Variants in PGAP1 observed in about 807,000 individuals in gnomAD.
The protein encoded by PGAP1 is GPI inositol-deacylase.
A neutral mutation model predicts 127.0 loss-of-function variants in PGAP1; 76 were observed. That is an observed-to-expected ratio of 0.60 (90% CI 0.50 to 0.72). The LOEUF (loss-of-function observed/expected upper bound fraction) is 0.72, where lower values mean the gene tolerates loss of function less well. Ranked by LOEUF, PGAP1 falls within the 30% of genes least tolerant of loss-of-function variation. The pLI is 0.00. For synonymous variants in PGAP1, 362 were observed against 366.5 expected (o/e 0.99, Z 0.14); for missense variants, 982 against 1,071.3 (o/e 0.92, Z 1.16).
intron 10 of PGAP1, among the ~76,000 whole-genome samples, chr2:196,890,624 C>G (rs1702064939): frequency 6.6e-6 from 1 of 151,784 alleles, no homozygotes. Flanking sequence ...AAACTAGAAC[C>G]AAAGTTACAC....
At chr2:196,848,724 G>A (rs541952728) in intron 20 of PGAP1, among the ~76,000 whole-genome samples, 1 of 152,074 alleles carries the variant, frequency 6.6e-6, no homozygotes, top group East Asian at 1.9e-4. Flanking sequence ...CATTTGGGTT[G>A]TTTCTGCTTT....
At position 196,843,911 on chromosome 2, in the gene PGAP1, T is replaced by TA; in HGVS notation, c.2501dup (p.Ile835AsnfsTer8). On this transcript the variant is annotated frameshift_variant, in exon 25 of 27. Coordinates refer to ENST00000354764, the MANE Select transcript of PGAP1 (RefSeq NM_024989.4). LOFTEE classifies it high-confidence loss of function. Reference sequence around the variant, plus strand: ...ACCTAAGATTCTTTAGCCAATAAATTAGAGAAGGCATGCTGAGTAATACAA... The same window carrying TA: ...ACCTAAGATTCTTTAGCCAATAAATTAAGAGAAGGCATGCTGAGTAATACAA... The TA allele has an allele frequency of 6.6e-7, 1 of 1,526,170 alleles. No homozygotes were observed. The allele number at this position is 1,526,170 out of a possible 1,614,324, so 94.5% of individuals were successfully genotyped here.
chr2:196,904,625 G>A (rs1490415507), intron 4 of PGAP1, among the ~76,000 whole-genome samples: 3 of 152,270 alleles, frequency 2.0e-5, no homozygotes, highest in South Asian at 2.1e-4. Context: ...CTACTTGGGA[G>A]GCTGAGGCAG....
chr2:196,889,739 G>A (rs1375997482), intron 10 of PGAP1, among the ~76,000 whole-genome samples: 3 of 151,338 alleles, frequency 2.0e-5, no homozygotes, highest in Admixed American at 1.3e-4. Context: ...AGCGCCTGTA[G>A]TCCCAGCTAC....
intron 20 of PGAP1, among the ~76,000 whole-genome samples, chr2:196,855,325 CAA>C (rs112534782): frequency 1.2e-4 from 8 of 67,146 alleles, no homozygotes; most frequent in Admixed American, 3.8e-4. Flanking sequence ...ACTCTGTCAC[CAA>C]AAAAAAAAAA....
At chr2:196,876,454 C>T (rs1701572048) in intron 13 of PGAP1, among the ~76,000 whole-genome samples, 1 of 152,064 alleles carries the variant, frequency 6.6e-6, no homozygotes. Flanking sequence ...TAATGTGACA[C>T]TTGCATCATT....
intron 20 of PGAP1, among the ~76,000 whole-genome samples, chr2:196,858,579 G>C (rs1289738670): frequency 1.3e-5 from 2 of 151,806 alleles, no homozygotes; most frequent in Admixed American, 6.6e-5. Context: ...CCAAAAAGTA[G>C]AAAGACTTCA....
intron 1 of PGAP1, chr2:196,922,607 C>CAA (rs1419073181): frequency 1.3e-6 from 1 of 777,998 alleles, no homozygotes; most frequent in Non-Finnish European, 1.6e-6. Context: ...CACACACACA[C>CAA]ACACACACAA....
rs539439892 is a variant in PGAP1 at position 196,917,172 on chromosome 2, C to T, written c.302-579G>A. On this transcript the variant is annotated intron_variant, in intron 2 of 26. Coordinates refer to ENST00000354764, the MANE Select transcript of PGAP1 (RefSeq NM_024989.4). Reference sequence around the variant, plus strand: ...ACTCTAACAGGTTCTTTACTGGTCTCTCTGCTTCCACTCTTTTTGTTCTTG... The same window carrying T: ...ACTCTAACAGGTTCTTTACTGGTCTTTCTGCTTCCACTCTTTTTGTTCTTG... Among the ~76,000 whole-genome samples, 3 of 152,294 alleles carry T rather than the reference C, an allele frequency of 2.0e-5. No homozygotes were observed. The South Asian group carries it at 6.2e-4, about 32-fold the overall frequency.
At position 196,834,127 on chromosome 2, in the gene PGAP1, T is replaced by G. The variant is rs1469627559; in HGVS notation, c.*7107A>C. 1 of 151,890 alleles carries G rather than the reference T, an allele frequency of 6.6e-6. No homozygotes were observed. Among genetic ancestry groups the G allele is most frequent in the Non-Finnish European group, 1.5e-5 (1 of 67,884 alleles). 9.4% of individuals were successfully genotyped at this position (151,890 alleles called of 1,614,324 possible). Reference sequence around the variant, plus strand: ...GATTACTCATTAATAAGACAAAAAATTACATTTGAAGATTAGTTTTTCCAA... The same window carrying G: ...GATTACTCATTAATAAGACAAAAAAGTACATTTGAAGATTAGTTTTTCCAA... On this transcript the variant is annotated 3_prime_UTR_variant, in exon 27 of 27. Coordinates refer to ENST00000354764, the MANE Select transcript of PGAP1 (RefSeq NM_024989.4).
chr2:196,861,574 G>A (rs1438666539), intron 20 of PGAP1, among the ~76,000 whole-genome samples: 2 of 152,122 alleles, frequency 1.3e-5, no homozygotes, highest in Non-Finnish European at 2.9e-5. Context: ...GGTGGCTCAC[G>A]CCTGTAATCC....
chr2:196,900,275 G>A (rs1017728558), intron 5 of PGAP1, among the ~76,000 whole-genome samples: 2 of 152,028 alleles, frequency 1.3e-5, no homozygotes, highest in Admixed American at 6.6e-5. Flanking sequence ...ATCCACCCAG[G>A]GCAGTTACAT....
chr2:196,897,221 A>C, intron 6 of PGAP1, 24 bp from the exon 7 acceptor site: 2 of 1,431,000 alleles, frequency 1.4e-6, no homozygotes, highest in Non-Finnish European at 9.6e-7. Flanking sequence ...TAAGTGTTAC[A>C]AATAAAACTT....
At chr2:196,841,396 C>T in intron 26 of PGAP1, 24 bp from the exon 27 acceptor site, 1 of 1,593,320 alleles carries the variant, frequency 6.3e-7, no homozygotes, top group South Asian at 1.1e-5. Context: ...GAGAAATATA[C>T]ATTACTTATG....
At chr2:196,914,106 C>G (rs1702924109) in intron 3 of PGAP1, among the ~76,000 whole-genome samples, 1 of 152,146 alleles carries the variant, frequency 6.6e-6, no homozygotes, top group Admixed American at 6.6e-5. Context: ...CCAAACCCTA[C>G]AACTGTGCTC....
intron 7 of PGAP1, among the ~76,000 whole-genome samples, chr2:196,896,129 G>T (rs1702259497): frequency 6.6e-6 from 1 of 152,180 alleles, no homozygotes; most frequent in African/African-American, 2.4e-5. Flanking sequence ...AGAGATAAAA[G>T]AGTAATGTGA....
chr2:196,862,982 T>C (rs1701117006), intron 20 of PGAP1, among the ~76,000 whole-genome samples: 1 of 152,114 alleles, frequency 6.6e-6, no homozygotes, highest in African/African-American at 2.4e-5. Context: ...ACATCACTAA[T>C]CACCAGTGAA....
intron 20 of PGAP1, among the ~76,000 whole-genome samples, chr2:196,863,800 A>G (rs1701146939): frequency 6.6e-6 from 1 of 152,058 alleles, no homozygotes; most frequent in South Asian, 2.1e-4. Context: ...GGTGGTCTTG[A>G]ATTCCTGACC....
intron 9 of PGAP1, among the ~76,000 whole-genome samples, chr2:196,891,215 G>A (rs918370189): frequency 1.3e-5 from 2 of 152,072 alleles, no homozygotes; most frequent in Non-Finnish European, 2.9e-5. Flanking sequence ...TCTGGCCATT[G>A]AAAAGGCCTA....
Sources: gnomAD v4.1 joint callset for allele counts (sites outside exome capture counted in the v4.1 genomes callset) on GRCh38, gnomAD v4.1.1 for gene constraint, MANE v1.5 for transcripts, NCBI Gene and HGNC (gene_info 2026-07-23, HGNC 2026-07-21) for gene names.